Variants in CAP2 observed in about 807,000 individuals in gnomAD.
The protein encoded by CAP2 is adenylyl cyclase-associated protein 2.
CAP2 carries 24 observed loss-of-function variants against 57.7 expected under a neutral mutation model. That is an observed-to-expected ratio of 0.42 (90% CI 0.30 to 0.58). The LOEUF (loss-of-function observed/expected upper bound fraction) is 0.58. Ranked by LOEUF, CAP2 falls within the 20% of genes least tolerant of loss-of-function variation. CAP2 has a pLI of 0.22. For synonymous variants in CAP2, 194 were observed against 207.2 expected (o/e 0.94, Z 0.55); for missense variants, 501 against 590.3 (o/e 0.85, Z 1.57).
intron 4 of CAP2, among the ~76,000 whole-genome samples, chr6:17,486,103 G>T (rs1046025753): frequency 3.3e-5 from 5 of 152,090 alleles, no homozygotes; most frequent in Non-Finnish European, 7.4e-5. Context: ...CCAGCTATCT[G>T]GGAGGCTGAG....
At chr6:17,409,921 C>T (rs955495466) in intron 1 of CAP2, among the ~76,000 whole-genome samples, 4 of 152,168 alleles carry the variant, frequency 2.6e-5, no homozygotes, top group Admixed American at 6.5e-5. Flanking sequence ...CCCAACTCCC[C>T]TCCCGGCCCT....
At chr6:17,448,059 A>G (rs987453892) in intron 3 of CAP2, among the ~76,000 whole-genome samples, 1 of 152,262 alleles carries the variant, frequency 6.6e-6, no homozygotes, top group Non-Finnish European at 1.5e-5. Context: ...TCTGGAATAT[A>G]TCTTCTATGT....
At chr6:17,506,637 C>CAA (rs11299768) in intron 4 of CAP2, among the ~76,000 whole-genome samples, 4 of 145,514 alleles carry the variant, frequency 2.7e-5, no homozygotes, top group African/African-American at 1.0e-4. Context: ...GACTCCATCT[C>CAA]AAAAAAAAAA....
At chr6:17,407,323 A>G (rs1581491504) in intron 1 of CAP2, among the ~76,000 whole-genome samples, 1 of 152,146 alleles carries the variant, frequency 6.6e-6, no homozygotes, top group Non-Finnish European at 1.5e-5. Flanking sequence ...TGTTGAAGTA[A>G]TAAATTGAAG....
intron 3 of CAP2, among the ~76,000 whole-genome samples, chr6:17,458,181 G>A (rs1760626475): frequency 1.3e-5 from 2 of 152,122 alleles, no homozygotes; most frequent in Non-Finnish European, 2.9e-5. Context: ...TGTCATAATG[G>A]CCTCCAGGGC....
chr6:17,451,639 A>G lies in CAP2; in HGVS notation c.223-11357A>G, dbSNP rs567675306. On this transcript the variant is annotated intron_variant, in intron 3 of 12. Coordinates refer to ENST00000229922, the MANE Select transcript of CAP2 (RefSeq NM_006366.3). ...ATTCTCCTGCCTCAGCCTCTCGAGT[A>G]GCTGGGATTACAGGAACCCGCCACC... Among the ~76,000 whole-genome samples the G allele has an allele frequency of 1.5e-4, 23 of 152,126 alleles. No homozygotes were observed. The East Asian group carries it at 4.3e-3, about 28-fold the overall frequency.
At chr6:17,455,748 A>G (rs566911226) in intron 3 of CAP2, among the ~76,000 whole-genome samples, 369 of 152,068 alleles carry the variant, frequency 2.4e-3, no homozygotes, top group African/African-American at 8.4e-3. Flanking sequence ...TATTAGCCAG[A>G]ATGGTCTTGA....
At chr6:17,510,846 C>G (rs932009184) in intron 6 of CAP2, among the ~76,000 whole-genome samples, 4 of 152,168 alleles carry the variant, frequency 2.6e-5, no homozygotes, top group African/African-American at 9.7e-5. Flanking sequence ...TACCTTCCAC[C>G]CTTGGAGACT....
At chr6:17,535,019 A>G (rs1762739012) in intron 7 of CAP2, among the ~76,000 whole-genome samples, 1 of 152,192 alleles carries the variant, frequency 6.6e-6, no homozygotes, top group Non-Finnish European at 1.5e-5. Context: ...ACCAGCATCC[A>G]GGGTGACTTA....
At chr6:17,428,310 T>C (rs184650478) in intron 3 of CAP2, among the ~76,000 whole-genome samples, 2 of 152,306 alleles carry the variant, frequency 1.3e-5, no homozygotes, top group Admixed American at 1.3e-4. Flanking sequence ...AGTCATTGTT[T>C]GCATTCATTT....
chr6:17,518,356 C>G (rs145707416), intron 7 of CAP2, among the ~76,000 whole-genome samples: 225 of 152,316 alleles, frequency 1.5e-3, no homozygotes, highest in Middle Eastern at 6.8e-3. Flanking sequence ...AATTTCTCCT[C>G]TCTGACTGTG....
In CAP2 at chr6:17,496,033, G is replaced by GGGT. The variant is rs1554127023; in HGVS notation, c.301-11134_301-11133insTGG. ...CTGTGCATGCGTGTGTGGGTGGGGG[G>GGGT]GGGGGGTAAGTCAGGGAAAACAGGC... is the stretch of plus-strand genomic sequence containing the variant. On this transcript the variant is annotated intron_variant, in intron 4 of 12. Transcript: ENST00000229922. Among the ~76,000 whole-genome samples the GGGT allele has an allele frequency of 3.8e-4, 48 of 126,840 alleles. 3 individuals carry two copies. The South Asian group carries it at 5.2e-3, about 14-fold the overall frequency. The allele number at this position is 126,840 out of a possible 152,430, so 83.2% of individuals were successfully genotyped here.
intron 1 of CAP2, among the ~76,000 whole-genome samples, chr6:17,406,394 A>ATTTTTTTTTTTTTTTT (rs1335180213): frequency 1.1e-5 from 1 of 91,916 alleles, no homozygotes; most frequent in Admixed American, 9.7e-5. Context: ...GTAAGCCCAG[A>ATTTTTTTTTTTTTTTT]TTTCTTTTTT....
rs148440498 is a variant in CAP2 at position 17,474,143 on chromosome 6, A to G, written c.300+11070A>G. Among the ~76,000 whole-genome samples, 29 of 150,878 alleles carry G rather than the reference A, an allele frequency of 1.9e-4. No individual in the cohort carries two copies. In the East Asian group the frequency reaches 5.4e-3, roughly 28 times the overall value. On this transcript the variant is annotated intron_variant, in intron 4 of 12. Coordinates refer to ENST00000229922, the MANE Select transcript of CAP2 (RefSeq NM_006366.3). ...GCTGATGTCTGTTTATTTAAGAGGA[A>G]AGACATTTTTCAAACTAATCAAGAC...
chr6:17,505,551 G>A (rs1036579098), intron 4 of CAP2, among the ~76,000 whole-genome samples: 4 of 152,184 alleles, frequency 2.6e-5, no homozygotes, highest in African/African-American at 4.8e-5. Context: ...GTTCTAATAT[G>A]TAGCCAAGGC....
rs1229890158 is a variant in CAP2, at chr6:17,529,921, A to G, written c.637-9348A>G. 5.9e-5 allele frequency among the ~76,000 whole-genome samples: 9 copies of G among 151,934 alleles called. No homozygotes were observed. In the East Asian group the frequency reaches 1.7e-3, roughly 29 times the overall value. On this transcript the variant is annotated intron_variant, in intron 7 of 12. Coordinates refer to ENST00000229922, the MANE Select transcript of CAP2 (RefSeq NM_006366.3). ...ATTCAGTTGTCACTTTGGGAGGCCA[A>G]GGTGGGAGGCTCTCTTGAGCCCAGG...
intron 3 of CAP2, among the ~76,000 whole-genome samples, chr6:17,430,257 T>C (rs552911877): frequency 6.6e-6 from 1 of 152,190 alleles, no homozygotes; most frequent in Admixed American, 6.5e-5. Context: ...GCATAACAGG[T>C]TTAGAAAAGA....
chr6:17,536,438 C>T (rs1762776032), intron 7 of CAP2: 22 of 365,238 alleles, frequency 6.0e-5, no homozygotes, highest in South Asian at 4.4e-4. Flanking sequence ...CCAGGACATA[C>T]AAAGGATTAG....
intron 7 of CAP2, among the ~76,000 whole-genome samples, chr6:17,537,463 T>C (rs1762800844): frequency 1.3e-5 from 2 of 152,166 alleles, no homozygotes; most frequent in South Asian, 4.1e-4. Context: ...CCCAAAGTGC[T>C]AGGATTACAG....
Sources: gnomAD v4.1 joint callset for allele counts (sites outside exome capture counted in the v4.1 genomes callset) on GRCh38, gnomAD v4.1.1 for gene constraint, MANE v1.5 for transcripts, NCBI Gene and HGNC (gene_info 2026-07-23, HGNC 2026-07-21) for gene names.